BIN2: variants seen among roughly 807,000 people sequenced by gnomAD.
BIN2 encodes bridging integrator 2.
BIN2 carries 43 observed loss-of-function variants against 67.9 expected under a neutral mutation model. The ratio of observed to expected loss-of-function variants is 0.63; its 90% CI spans 0.50 to 0.82. The LOEUF is 0.82. BIN2 is among the 40% of genes least tolerant of loss of function. The probability of loss-of-function intolerance (pLI) is 0.00; values close to 1 mark genes in which losing one functional copy is unlikely to be tolerated. For missense variants in BIN2, 581 were observed against 671.6 expected (o/e 0.87, Z 1.49); for synonymous variants, 244 against 246.8 (o/e 0.99, Z 0.11).
At chr12:51,322,166 G>A (rs988792151) in intron 1 of BIN2, among the ~76,000 whole-genome samples, 2 of 152,170 alleles carry the variant, frequency 1.3e-5, no homozygotes, top group African/African-American at 4.8e-5. Context: ...TAATGTGACA[G>A]CTTTTCAATT....
Position 51,324,106 on chromosome 12 carries a change from G to A in BIN2, c.-4C>T, listed in dbSNP as rs1212312552. 1.2e-6 allele frequency: 2 copies of A among 1,612,814 alleles called. No homozygotes were observed. The highest frequency in any genetic ancestry group is 2.7e-5 in the African/African-American group (2 of 74,858). The stretch of plus-strand genomic sequence containing the variant: ...CGCCTGCCTTGCCCTCTGCCATCCT[G>A]CCAACTCCCTGGGGGCCGCCGCCCT... On this transcript the variant is annotated 5_prime_UTR_variant, in exon 1 of 13. Transcript: ENST00000615107.
At chr12:51,316,328 C>CAAAAAAAA in intron 1 of BIN2, among the ~76,000 whole-genome samples, 1 of 123,300 alleles carries the variant, frequency 8.1e-6, no homozygotes, top group Non-Finnish European at 1.7e-5. Flanking sequence ...ACTAAAAATA[C>CAAAAAAAA]AAAAAAAAAA....
At chr12:51,289,342 C>T (rs555180045) in intron 10 of BIN2, among the ~76,000 whole-genome samples, 3 of 152,112 alleles carry the variant, frequency 2.0e-5, no homozygotes, top group Admixed American at 6.5e-5. Flanking sequence ...AGGCCGGGCA[C>T]GGTGGCTCAC....
chr12:51,315,799 C>T (rs1042808693), intron 1 of BIN2, among the ~76,000 whole-genome samples: 4 of 152,134 alleles, frequency 2.6e-5, no homozygotes, highest in Admixed American at 6.5e-5. Flanking sequence ...AGAGCCAAAC[C>T]GTCATACTGA....
Position 51,281,247 on chromosome 12 carries a change from T to C in BIN2, c.*252A>G, listed in dbSNP as rs886637046. The C allele has an allele frequency of 1.3e-5, 7 of 549,830 alleles. No individual in the cohort carries two copies. The highest frequency in any genetic ancestry group is 1.1e-4 in the African/African-American group (6 of 53,066). 34.1% of individuals were successfully genotyped at this position (549,830 alleles called of 1,614,324 possible). A position where few individuals can be genotyped will look rare whatever the true frequency, so the allele number is the denominator to read the frequency against. ...ACTTTAGTTAATGTATAAAGTCTTA[T>C]TCTAATAATGCTAAAACCAGAATTA... On this transcript the variant is annotated 3_prime_UTR_variant, in exon 13 of 13. Coordinates refer to ENST00000615107, the MANE Select transcript of BIN2 (RefSeq NM_016293.4).
chr12:51,321,728 G>A (rs1946288691), intron 1 of BIN2, among the ~76,000 whole-genome samples: 1 of 152,176 alleles, frequency 6.6e-6, no homozygotes, highest in African/African-American at 2.4e-5. Flanking sequence ...CCCTGTCTCT[G>A]GTCCATAATA....
At chr12:51,324,319 G>A, upstream of BIN2, 2 of 1,346,924 alleles carry the variant, frequency 1.5e-6, no homozygotes, top group Non-Finnish European at 1.9e-6. Flanking sequence ...CCTACCCTCA[G>A]GCAGCGCTCG....
intron 1 of BIN2, chr12:51,322,917 C>T (rs889294682): frequency 6.6e-6 from 1 of 152,184 alleles, no homozygotes; most frequent in Non-Finnish European, 1.5e-5. Context: ...GCTGATAAAT[C>T]AACTCGGGAG....
rs536327956 is a variant in BIN2 at position 51,298,844 on chromosome 12, G to A, written c.602+359C>T. ...AGAACTTTGGGAGGCCAAGGCAGGGGGATCACTTGAAGCCAGGAGTTCGAG... is the reference window on the plus strand; with the variant it reads ...AGAACTTTGGGAGGCCAAGGCAGGGAGATCACTTGAAGCCAGGAGTTCGAG... On this transcript the variant is annotated intron_variant, in intron 7 of 12. Transcript: ENST00000615107. Among the ~76,000 whole-genome samples the A allele has an allele frequency of 2.0e-5, 3 of 152,084 alleles. No individual in the cohort carries two copies. In the South Asian group the frequency reaches 6.2e-4, roughly 32 times the overall value.
intron 12 of BIN2, among the ~76,000 whole-genome samples, chr12:51,282,270 T>TATAC (rs1465177748): frequency 6.6e-6 from 1 of 151,956 alleles, no homozygotes; most frequent in Non-Finnish European, 1.5e-5. Context: ...AATAAACATA[T>TATAC]ATATATGCAG....
At chr12:51,306,414 G>C (rs1439455113) in intron 2 of BIN2, among the ~76,000 whole-genome samples, 1 of 152,276 alleles carries the variant, frequency 6.6e-6, no homozygotes, top group East Asian at 1.9e-4. Context: ...ATCACTTGAG[G>C]TCAGGAGTTC....
chr12:51,317,031 C>G (rs1946151870), intron 1 of BIN2, among the ~76,000 whole-genome samples: 1 of 152,000 alleles, frequency 6.6e-6, no homozygotes, highest in East Asian at 1.9e-4. Context: ...CATGTGCCAC[C>G]ACGCCTGGCT....
intron 1 of BIN2, 74 bp from the exon 2 acceptor site, chr12:51,313,977 G>A: frequency 9.2e-7 from 1 of 1,086,400 alleles, no homozygotes; most frequent in Non-Finnish European, 1.4e-6. Context: ...ATATGACCCT[G>A]GCTTCAGTCA....
chr12:51,309,791 T>C (rs1055899438), intron 2 of BIN2, among the ~76,000 whole-genome samples: 9 of 152,250 alleles, frequency 5.9e-5, no homozygotes, highest in African/African-American at 1.9e-4. Flanking sequence ...GATTGTCCCA[T>C]CAGATCTTGT....
chr12:51,294,394 G>C (rs534304200), intron 9 of BIN2, among the ~76,000 whole-genome samples: 5 of 151,874 alleles, frequency 3.3e-5, no homozygotes, highest in Non-Finnish European at 5.9e-5. Context: ...TGGTGAAACC[G>C]CGTCTCTACT....
chr12:51,286,121 A>AT (rs1298444958), intron 11 of BIN2, among the ~76,000 whole-genome samples: 1 of 151,666 alleles, frequency 6.6e-6, no homozygotes, highest in Admixed American at 6.6e-5. Context: ...TTTCCCAGTA[A>AT]TTTTTTTTCA....
chr12:51,307,748 TAA>T (rs747357579), intron 2 of BIN2, among the ~76,000 whole-genome samples: 5 of 151,454 alleles, frequency 3.3e-5, no homozygotes, highest in Non-Finnish European at 7.4e-5. Context: ...TTTGTACAAA[TAA>T]AGTTCCTAAT....
rs555115486 is a variant in BIN2 at position 51,302,724 on chromosome 12, C to T, written c.274G>A (p.Glu92Lys). ...SETLQEIYSSEWDGHEELKAI... is the reference protein window; with the variant it reads ...SETLQEIYSSKWDGHEELKAI... ...TTCAGCTCCTCATGACCGTCCCACT[C>T]GCTGCTGTAGATCTCCTGCAGGGTT... is the stretch of plus-strand genomic sequence containing the variant. Residue 92 changes from glutamate (E) to lysine (K), a missense_variant, in exon 4 of 13, where the codon GAG (glutamate) becomes AAG (lysine). Physicochemically the swap from Glu to Lys is moderately conservative, Grantham distance 56. Transcript: ENST00000615107. The T allele has an allele frequency of 2.0e-5, 33 of 1,614,174 alleles. No individual in the cohort carries two copies. The highest frequency in any genetic ancestry group is 9.3e-5 in the African/African-American group (7 of 75,060).
chr12:51,303,439 A>G (rs1408640414), intron 2 of BIN2, among the ~76,000 whole-genome samples: 1 of 152,166 alleles, frequency 6.6e-6, no homozygotes, highest in African/African-American at 2.4e-5. Context: ...TCCATGTAAC[A>G]CTATCTATGC....
Sources: gnomAD v4.1 joint callset for allele counts (sites outside exome capture counted in the v4.1 genomes callset) on GRCh38, gnomAD v4.1.1 for gene constraint, MANE v1.5 for transcripts, NCBI Gene and HGNC (gene_info 2026-07-23, HGNC 2026-07-21) for gene names.